The following STK39 variants were observed in gnomAD, a reference collection of about 807,000 sequenced individuals.
STK39 encodes serine/threonine kinase 39.
In STK39, 20 loss-of-function variants were observed where a neutral mutation model predicts 77.8. That is an observed-to-expected ratio of 0.26 (90% CI 0.18 to 0.37). STK39 has a LOEUF of 0.37. STK39 is among the 10% of genes least tolerant of loss of function. The probability of loss-of-function intolerance (pLI) is 1.00; values close to 1 mark genes in which losing one functional copy is unlikely to be tolerated. For missense variants in STK39, 479 were observed against 656.5 expected (o/e 0.73, Z 2.95); for synonymous variants, 246 against 234.1 (o/e 1.05, Z -0.47).
intron 5 of STK39, among the ~76,000 whole-genome samples, chr2:168,142,520 A>T (rs1559117659): frequency 6.6e-6 from 1 of 152,200 alleles, no homozygotes; most frequent in Non-Finnish European, 1.5e-5. Context: ...TCTTCCTAAA[A>T]GACATAATCC....
intron 14 of STK39, among the ~76,000 whole-genome samples, chr2:168,023,071 T>C (rs1227166436): frequency 1.3e-5 from 2 of 152,100 alleles, no homozygotes; most frequent in Non-Finnish European, 2.9e-5. Context: ...TGTGCCCCCA[T>C]ACCTGGCTAA....
intron 16 of STK39, among the ~76,000 whole-genome samples, chr2:167,998,302 C>CTTTAA (rs1559050354): frequency 1.3e-5 from 2 of 152,200 alleles, no homozygotes; most frequent in African/African-American, 4.8e-5. Flanking sequence ...TAAATGCTCA[C>CTTTAA]TTTAATTTAG....
chr2:168,175,487 AAAAGT>A (rs1688935418), intron 2 of STK39, among the ~76,000 whole-genome samples: 1 of 152,244 alleles, frequency 6.6e-6, no homozygotes. Flanking sequence ...GAAAACAATT[AAAAGT>A]AAATTCAATT....
chr2:168,163,999 T>C (rs569484402), intron 3 of STK39, 119 bp from the exon 4 acceptor site: 3 of 1,378,558 alleles, frequency 2.2e-6, no homozygotes, highest in African/African-American at 2.9e-5. Flanking sequence ...TTAATGCAAA[T>C]ATTCCCAAGG....
intron 10 of STK39, among the ~76,000 whole-genome samples, chr2:168,116,600 G>C (rs1269933968): frequency 6.6e-6 from 1 of 151,966 alleles, no homozygotes; most frequent in Non-Finnish European, 1.5e-5. Flanking sequence ...GCAGACTCCC[G>C]ACCCCCAACA....
At chr2:167,967,034 G>A (rs958547793) in intron 16 of STK39, among the ~76,000 whole-genome samples, 1 of 152,164 alleles carries the variant, frequency 6.6e-6, no homozygotes, top group African/African-American at 2.4e-5. Flanking sequence ...CTCCTTACCT[G>A]GAACGTGAGC....
chr2:168,163,244 T>A (rs1416331301), intron 4 of STK39, among the ~76,000 whole-genome samples: 1 of 152,158 alleles, frequency 6.6e-6, no homozygotes, highest in African/African-American at 2.4e-5. Context: ...AGAAGATGAG[T>A]ACCTCTTCCT....
rs1440842849 is a variant in STK39 at position 168,247,246 on chromosome 2, C to G, written c.190G>C (p.Glu64Gln). The stretch of plus-strand genomic sequence containing the variant: ...CACTGACCGATAACCTCCTGCAGCT[C>G]GTACGCGTCCCTGCAGATGGGCCAG... ...VGWPICRDAY[E>Q]LQEVIGSGAT... The change falls in exon 1 of 18, where the codon GAG becomes CAG. Residue 64 changes from glutamate to glutamine, a missense_variant. By Grantham distance (29) the Glu-to-Gln change is conservative. Transcript: ENST00000355999. 9.5e-6 allele frequency: 11 copies of G among 1,153,772 alleles called. No homozygotes were observed. In the East Asian group the frequency reaches 4.3e-4, roughly 45 times the overall value. The allele number at this position is 1,153,772 out of a possible 1,614,324, so 71.5% of individuals were successfully genotyped here.
intron 16 of STK39, among the ~76,000 whole-genome samples, chr2:167,979,766 G>T (rs776049061): frequency 3.3e-5 from 5 of 152,080 alleles, no homozygotes; most frequent in Non-Finnish European, 7.4e-5. Flanking sequence ...TTTCTTCTAC[G>T]GATTTTAAAT....
chr2:167,990,271 A>G (rs1341708026), intron 16 of STK39, among the ~76,000 whole-genome samples: 2 of 152,154 alleles, frequency 1.3e-5, no homozygotes, highest in African/African-American at 4.8e-5. Context: ...TCACAACCAA[A>G]TGACATTTTG....
chr2:168,034,531 T>C (rs1439825437), intron 14 of STK39, among the ~76,000 whole-genome samples: 1 of 152,138 alleles, frequency 6.6e-6, no homozygotes, highest in Non-Finnish European at 1.5e-5. Flanking sequence ...CTGGCCACCA[T>C]TGCTGGTAAC....
chr2:168,004,473 C>A (rs1489450370), intron 16 of STK39, among the ~76,000 whole-genome samples: 1 of 152,096 alleles, frequency 6.6e-6, no homozygotes, highest in Non-Finnish European at 1.5e-5. Flanking sequence ...TGGCTCACAC[C>A]TGTAATCCCA....
chr2:167,995,651 C>A (rs1683819124), intron 16 of STK39, among the ~76,000 whole-genome samples: 1 of 151,962 alleles, frequency 6.6e-6, no homozygotes, highest in Non-Finnish European at 1.5e-5. Flanking sequence ...ATACTGCCAC[C>A]CAAAAAGGTA....
At chr2:168,032,399 G>A (rs929392294) in intron 14 of STK39, among the ~76,000 whole-genome samples, 1 of 152,190 alleles carries the variant, frequency 6.6e-6, no homozygotes, top group Non-Finnish European at 1.5e-5. Flanking sequence ...GTACCACCAA[G>A]TTAAGGACTT....
At chr2:168,036,311 T>C (rs756319733) in intron 14 of STK39, among the ~76,000 whole-genome samples, 12 of 152,024 alleles carry the variant, frequency 7.9e-5, no homozygotes, top group Non-Finnish European at 1.6e-4. Context: ...CCAATCACTC[T>C]ATTCATTTTT....
intron 14 of STK39, among the ~76,000 whole-genome samples, chr2:168,022,909 G>A (rs190282850): frequency 4.6e-5 from 7 of 152,040 alleles, no homozygotes; most frequent in South Asian, 2.1e-4. Context: ...ACTGAAATTC[G>A]TTTTTTTCAT....
intron 16 of STK39, among the ~76,000 whole-genome samples, chr2:168,007,941 T>C (rs1684173071): frequency 6.6e-6 from 1 of 152,112 alleles, no homozygotes; most frequent in Non-Finnish European, 1.5e-5. Flanking sequence ...CACGATTCAG[T>C]GGTTTTTAGT....
intron 1 of STK39, among the ~76,000 whole-genome samples, chr2:168,182,765 G>A (rs992676891): frequency 1.3e-5 from 2 of 152,164 alleles, no homozygotes; most frequent in African/African-American, 4.8e-5. Context: ...GACATGTAAT[G>A]ATTTGCGGCA....
rs559180767 is a variant in STK39 at position 167,970,700 on chromosome 2, G to A, written c.1499-5974C>T. 6.6e-5 allele frequency among the ~76,000 whole-genome samples: 10 copies of A among 152,276 alleles called. No homozygotes were observed. The South Asian group carries it at 2.1e-3, about 32-fold the overall frequency. Reference sequence around the variant, plus strand: ...GATGAACTGCAACCTAACTTAATAAGCAGACAAGATTGAAAACCTAACTTA... The same window carrying A: ...GATGAACTGCAACCTAACTTAATAAACAGACAAGATTGAAAACCTAACTTA... On this transcript the variant is annotated intron_variant, in intron 16 of 17. Transcript: ENST00000355999.
Sources: gnomAD v4.1 joint callset for allele counts (sites outside exome capture counted in the v4.1 genomes callset) on GRCh38, gnomAD v4.1.1 for gene constraint, MANE v1.5 for transcripts, NCBI Gene and HGNC (gene_info 2026-07-23, HGNC 2026-07-21) for gene names.